ROBO2: variants seen among roughly 807,000 people sequenced by gnomAD.
ROBO2 encodes roundabout homolog 2.
Under a neutral mutation model 160.8 loss-of-function variants are expected in ROBO2, and 53 were observed. That is an observed-to-expected ratio of 0.33 (90% CI 0.26 to 0.41). The LOEUF (loss-of-function observed/expected upper bound fraction) is 0.41. ROBO2 is among the 10% of genes least tolerant of loss of function. The probability of loss-of-function intolerance (pLI) is 1.00; values close to 1 mark genes in which losing one functional copy is unlikely to be tolerated. For synonymous variants in ROBO2, 664 were observed against 611.7 expected, an observed-to-expected ratio of 1.09 and a Z score of -1.26; for missense variants, 1,577 against 1,722.4, an observed-to-expected ratio of 0.92 and a Z score of 1.49.
At chr3:76,716,135 C>G (rs2093375282) in intron 2 of ROBO2, among the ~76,000 whole-genome samples, 1 of 152,104 alleles carries the variant, frequency 6.6e-6, no homozygotes, top group South Asian at 2.1e-4. Flanking sequence ...CATAGTTTTG[C>G]ATATGATAGA....
At chr3:77,126,778 ACTTCTT>A (rs2075358518) in intron 2 of ROBO2, among the ~76,000 whole-genome samples, 1 of 133,538 alleles carries the variant, frequency 7.5e-6, no homozygotes, top group African/African-American at 3.1e-5. Context: ...TGATTTTGAA[ACTTCTT>A]TTTTTTTTTT....
chr3:76,362,901 T>C (rs544453530), intron 2 of ROBO2, among the ~76,000 whole-genome samples: 2 of 152,190 alleles, frequency 1.3e-5, no homozygotes, highest in African/African-American at 2.4e-5. Flanking sequence ...GTCACTCACT[T>C]GTGTATGCTG....
intron 2 of ROBO2, among the ~76,000 whole-genome samples, chr3:76,350,634 A>T (rs1033188385): frequency 2.6e-5 from 4 of 152,038 alleles, no homozygotes; most frequent in Non-Finnish European, 4.4e-5. Flanking sequence ...ACTGAGAGAT[A>T]CCACAGAAGT....
chr3:75,945,298 T>G (rs72888435), intron 2 of ROBO2, among the ~76,000 whole-genome samples: 5 of 152,062 alleles, frequency 3.3e-5, no homozygotes, highest in Admixed American at 3.3e-4. Flanking sequence ...TTTAATTGGA[T>G]AGTCAAGAAA....
chr3:76,901,679 GTTAA>G (rs781775651), intron 2 of ROBO2, among the ~76,000 whole-genome samples: 21 of 149,536 alleles, frequency 1.4e-4, no homozygotes, highest in Non-Finnish European at 2.5e-4. Context: ...GAAGAAGTTT[GTTAA>G]TTAATTCATC....
chr3:76,122,846 T>C (rs1265636763), intron 2 of ROBO2, among the ~76,000 whole-genome samples: 1 of 152,156 alleles, frequency 6.6e-6, no homozygotes, highest in Non-Finnish European at 1.5e-5. Flanking sequence ...GTCTGATGTT[T>C]TGTGATCTAA....
intron 2 of ROBO2, among the ~76,000 whole-genome samples, chr3:76,823,574 T>C (rs1374664059): frequency 6.6e-6 from 1 of 152,098 alleles, no homozygotes; most frequent in East Asian, 1.9e-4. Context: ...AGAGATTGCT[T>C]CAAATCAGGC....
chr3:77,145,316 T>C (rs1275950661), intron 2 of ROBO2, among the ~76,000 whole-genome samples: 1 of 152,148 alleles, frequency 6.6e-6, no homozygotes, highest in African/African-American at 2.4e-5. Context: ...ATGTTTGAAG[T>C]TTGAACCTTC....
intron 5 of ROBO2, among the ~76,000 whole-genome samples, chr3:77,504,087 G>A (rs537708855): frequency 7.2e-4 from 110 of 152,268 alleles, no homozygotes; most frequent in African/African-American, 2.6e-3. Context: ...TGGGAGGTTA[G>A]CCCTAGGGCT....
intron 2 of ROBO2, among the ~76,000 whole-genome samples, chr3:76,292,178 T>C (rs1250979078): frequency 2.0e-5 from 3 of 152,188 alleles, no homozygotes; most frequent in Non-Finnish European, 4.4e-5. Context: ...TCCACAGCTC[T>C]CTGCAAAGCT....
chr3:75,990,049 A>G (rs1055732730), intron 2 of ROBO2, among the ~76,000 whole-genome samples: 3 of 152,192 alleles, frequency 2.0e-5, no homozygotes, highest in Admixed American at 6.5e-5. Context: ...TCTAAAAACC[A>G]TTGTTAAAAT....
intron 2 of ROBO2, among the ~76,000 whole-genome samples, chr3:76,690,251 G>A (rs1255977226): frequency 1.3e-5 from 2 of 152,078 alleles, no homozygotes; most frequent in Admixed American, 1.3e-4. Flanking sequence ...CCATATTAAG[G>A]AGTTGGTCCT....
chr3:77,513,189 T>G (rs2153617926), intron 5 of ROBO2, among the ~76,000 whole-genome samples: 1 of 151,976 alleles, frequency 6.6e-6, no homozygotes, highest in Non-Finnish European at 1.5e-5. Context: ...TTTATATTTC[T>G]TAATTTTTTC....
At chr3:76,446,473 AT>A (rs1317422136) in intron 2 of ROBO2, among the ~76,000 whole-genome samples, 6 of 152,180 alleles carry the variant, frequency 3.9e-5, no homozygotes, top group African/African-American at 4.8e-5. Context: ...GCCCAAGGTA[AT>A]TAATAGATTC....
intron 6 of ROBO2, 120 bp downstream of exon 6, chr3:77,523,022 A>G (rs2153628496): frequency 8.8e-7 from 1 of 1,140,170 alleles, no homozygotes; most frequent in Non-Finnish European, 1.3e-6. Flanking sequence ...AAATGCCTAG[A>G]TTTTGTGTCC....
intron 2 of ROBO2, among the ~76,000 whole-genome samples, chr3:76,959,222 C>T (rs1423837347): frequency 6.6e-6 from 1 of 152,096 alleles, no homozygotes; most frequent in African/African-American, 2.4e-5. Flanking sequence ...ATTATGTCAA[C>T]ATCAAAAAAA....
At chr3:76,257,799 T>C (rs1303671914) in intron 2 of ROBO2, among the ~76,000 whole-genome samples, 1 of 152,178 alleles carries the variant, frequency 6.6e-6, no homozygotes, top group Non-Finnish European at 1.5e-5. Context: ...TTCCTTTCTC[T>C]CACTTATTAT....
chr3:77,022,044 C>A (rs1340922210), intron 2 of ROBO2, among the ~76,000 whole-genome samples: 1 of 152,134 alleles, frequency 6.6e-6, no homozygotes, highest in Non-Finnish European at 1.5e-5. Context: ...AGTTCAAGAC[C>A]AGCCTGGGCA....
chr3:76,459,941 A>G (rs2077991708), intron 2 of ROBO2, among the ~76,000 whole-genome samples: 1 of 152,174 alleles, frequency 6.6e-6, no homozygotes. Context: ...AAACCAAGAG[A>G]GCGTGTCAAG....
Sources: allele counts gnomAD v4.1 joint callset (sites outside exome capture counted in the v4.1 genomes callset), GRCh38; gene constraint gnomAD v4.1.1; transcripts MANE v1.5; gene names NCBI Gene and HGNC (gene_info 2026-07-23, HGNC 2026-07-21).